Variants in WDR48 observed in about 807,000 individuals in gnomAD.
WDR48 encodes the protein WD repeat-containing protein 48.
A neutral mutation model predicts 94.0 loss-of-function variants in WDR48; 22 were observed. The ratio of observed to expected loss-of-function variants is 0.23; its 90% CI spans 0.17 to 0.33. The LOEUF is 0.33. Among genes scored for constraint, WDR48 ranks in the 10% least tolerant of loss-of-function variants. WDR48 has a pLI of 1.00. For synonymous variants in WDR48, 278 were observed against 280.5 expected, an observed-to-expected ratio of 0.99 and a Z score of 0.09; for missense variants, 541 against 813.8, an observed-to-expected ratio of 0.66 and a Z score of 4.08.
chr3:39,070,921 G>T (rs940283136), intron 7 of WDR48, among the ~76,000 whole-genome samples: 12 of 152,074 alleles, frequency 7.9e-5, no homozygotes, highest in Admixed American at 7.2e-4. Flanking sequence ...CTATGAGTGA[G>T]AATATGCGGT....
At chr3:39,078,486 T>C (rs1339075725) in intron 10 of WDR48, among the ~76,000 whole-genome samples, 1 of 152,032 alleles carries the variant, frequency 6.6e-6, no homozygotes, top group Non-Finnish European at 1.5e-5. Flanking sequence ...TGACGGGATC[T>C]TGGCTCACTG....
chr3:39,079,405 C>T (rs2034405209), intron 10 of WDR48, among the ~76,000 whole-genome samples: 1 of 152,182 alleles, frequency 6.6e-6, no homozygotes, highest in South Asian at 2.1e-4. Flanking sequence ...TGACTTTTCC[C>T]AGTGGATAAA....
chr3:39,079,733 C>T lies in WDR48; in HGVS notation c.1098C>T (p.Cys366=), dbSNP rs927049943. The stretch of plus-strand genomic sequence containing the variant: ...TAGGGGGTGCTAGTATTATTCAGTG[C>T]CACATTCTTAATGATAAGAGACATA... ...VIKGGASIIQ[C]HILNDKRHIL... Residue 366 remains cysteine, a synonymous_variant, in exon 11 of 19, where the codon TGC becomes TGT. Coordinates refer to ENST00000302313, the MANE Select transcript of WDR48 (RefSeq NM_020839.4). 4 of 1,555,336 alleles carry T rather than the reference C, an allele frequency of 2.6e-6. No individual in the cohort carries two copies. The highest frequency in any genetic ancestry group is 3.5e-6 in the Non-Finnish European group (4 of 1,159,390).
intron 1 of WDR48, among the ~76,000 whole-genome samples, chr3:39,053,591 A>G (rs961105397): frequency 2.6e-5 from 4 of 152,230 alleles, no homozygotes; most frequent in African/African-American, 9.6e-5. Context: ...TATAGACTCT[A>G]TGGTGGTGTA....
At chr3:39,075,755 G>A (rs1249068478) in intron 8 of WDR48, among the ~76,000 whole-genome samples, 2 of 151,110 alleles carry the variant, frequency 1.3e-5, no homozygotes, top group African/African-American at 4.9e-5. Context: ...GTGCAGTGAT[G>A]CGATCTCGGC....
At chr3:39,075,696 A>C (rs1379744670) in intron 8 of WDR48, among the ~76,000 whole-genome samples, 1 of 144,742 alleles carries the variant, frequency 6.9e-6, no homozygotes, top group African/African-American at 2.5e-5. Context: ...AGTTTCCAAA[A>C]TTTTTTTTTT....
chr3:39,092,407 C>G (rs925671083), intron 17 of WDR48, among the ~76,000 whole-genome samples: 1 of 152,118 alleles, frequency 6.6e-6, no homozygotes. Flanking sequence ...AAGTCCAGGA[C>G]ACAGTGTGAT....
At chr3:39,052,292 G>A in intron 1 of WDR48, 1 of 554,554 alleles carries the variant, frequency 1.8e-6, no homozygotes, top group Non-Finnish European at 3.2e-6. Flanking sequence ...CGGGACCCTC[G>A]TGGGCGGCAT....
At chr3:39,065,763 T>G (rs746595283) in intron 2 of WDR48, 48 bp from the exon 3 acceptor site, 63 of 1,341,662 alleles carry the variant, frequency 4.7e-5, no homozygotes, top group African/African-American at 6.0e-5. Context: ...ATTTGTAATA[T>G]ATTTCATTCT....
chr3:39,062,657 A>G (rs2033340967), intron 1 of WDR48, among the ~76,000 whole-genome samples: 2 of 152,208 alleles, frequency 1.3e-5, no homozygotes. Flanking sequence ...CCAGAAAGAC[A>G]AACAGGGTAC....
Position 39,088,116 on chromosome 3 carries a change from A to C in WDR48, c.1475-12A>C. 1 of 1,613,578 alleles carries C rather than the reference A, an allele frequency of 6.2e-7. No homozygotes were observed. Among genetic ancestry groups the C allele is most frequent in the Non-Finnish European group, 8.5e-7 (1 of 1,179,516 alleles). The stretch of plus-strand genomic sequence containing the variant: ...TAACTCTGATATTAACACCACCTGC[A>C]TCTTTTCCTAGTAAATGGGGAGCAG... On this transcript the variant is annotated splice_polypyrimidine_tract_variant and intron_variant, in intron 14 of 18. Transcript: ENST00000302313.
At chr3:39,077,303 C>T (rs1358629305) in intron 9 of WDR48, 90 bp downstream of exon 9, 1 of 1,424,826 alleles carries the variant, frequency 7.0e-7, no homozygotes, top group African/African-American at 1.4e-5. Context: ...CTCAGTGTGG[C>T]CCTAACTCTA....
chr3:39,059,197 C>T (rs1483497769), intron 1 of WDR48, among the ~76,000 whole-genome samples: 2 of 151,966 alleles, frequency 1.3e-5, no homozygotes, highest in Non-Finnish European at 2.9e-5. Flanking sequence ...GGAGACCTTT[C>T]TCCTAAGATC....
chr3:39,076,987 C>T (rs1214398482), intron 8 of WDR48, 152 bp from the exon 9 acceptor site: 2 of 764,038 alleles, frequency 2.6e-6, no homozygotes, highest in African/African-American at 1.8e-5. Flanking sequence ...AAGACTCTCT[C>T]ATTTTTCTGT....
chr3:39,079,689 TTG>T lies in WDR48; in HGVS notation c.1076-18_1076-17del. ...AAATGTAGAAAGATTGTTTTACCAA[TTG>T]TGTTTTTTTTTCCCATTAGGGGGTG... On this transcript the variant is annotated intron_variant, in intron 10 of 18. Transcript: ENST00000302313. 6.9e-7 allele frequency: 1 copy of T among 1,455,016 alleles called. No individual in the cohort carries two copies. Among genetic ancestry groups the T allele is most frequent in the Non-Finnish European group, 9.3e-7 (1 of 1,075,532 alleles). 90.1% of individuals were successfully genotyped at this position (1,455,016 alleles called of 1,614,324 possible).
intron 16 of WDR48, chr3:39,089,989 T>C (rs541985850): frequency 5.9e-5 from 9 of 152,360 alleles, no homozygotes; most frequent in African/African-American, 1.9e-4. Context: ...TTGTGTGCTT[T>C]TTAGGATAAA....
chr3:39,052,163 G>T lies in WDR48; in HGVS notation c.48+90G>T, dbSNP rs1352012278. ...AAGGTGCCCGGCGCCACGACCAGCT[G>T]GGGTAGCGGCATGGGGCGAACGGGG... On this transcript the variant is annotated intron_variant, in intron 1 of 18. Transcript: ENST00000302313. The T allele has an allele frequency of 2.6e-6, 4 of 1,539,352 alleles. No individual in the cohort carries two copies. In the Admixed American group the frequency reaches 5.3e-5, roughly 20 times the overall value.
chr3:39,069,500 G>T, intron 6 of WDR48, 143 bp from the exon 7 acceptor site: 1 of 606,190 alleles, frequency 1.6e-6, no homozygotes. Flanking sequence ...CCTGAGGTTG[G>T]GAGGCTTAGA....
At chr3:39,080,275 G>A (rs1048486312) in intron 11 of WDR48, among the ~76,000 whole-genome samples, 10 of 152,310 alleles carry the variant, frequency 6.6e-5, no homozygotes, top group Admixed American at 6.5e-4. Context: ...GAAGAATGGT[G>A]TAAAATCACC....
Sources: allele counts gnomAD v4.1 joint callset (sites outside exome capture counted in the v4.1 genomes callset), GRCh38; gene constraint gnomAD v4.1.1; transcripts MANE v1.5; gene names NCBI Gene and HGNC (gene_info 2026-07-23, HGNC 2026-07-21).